ATP9B: variants seen among roughly 807,000 people sequenced by gnomAD.
ATP9B encodes the protein probable phospholipid-transporting ATPase IIB.
In ATP9B, 110 loss-of-function variants were observed where a neutral mutation model predicts 146.1. That is an observed-to-expected ratio of 0.75 (90% confidence interval 0.65 to 0.88). The LOEUF is 0.88. Among genes scored for constraint, ATP9B ranks in the 40% least tolerant of loss-of-function variants. The pLI is 0.00. For synonymous variants in ATP9B, 604 were observed against 569.7 expected (o/e 1.06, Z -0.86); for missense variants, 1,499 against 1,496.4 (o/e 1.00, Z -0.03).
intron 12 of ATP9B, among the ~76,000 whole-genome samples, chr18:79,263,712 A>C (rs2096169800): frequency 6.6e-6 from 1 of 152,164 alleles, no homozygotes; most frequent in Non-Finnish European, 1.5e-5. Context: ...GGTTGCTTCC[A>C]GTTTTTTTAC....
At chr18:79,105,474 C>T (rs957263054) in intron 2 of ATP9B, among the ~76,000 whole-genome samples, 5 of 152,092 alleles carry the variant, frequency 3.3e-5, no homozygotes, top group African/African-American at 4.8e-5. Context: ...AAAGACTGAG[C>T]GAGTAGGCTT....
intron 6 of ATP9B, among the ~76,000 whole-genome samples, chr18:79,149,848 C>T (rs952228798): frequency 2.6e-5 from 4 of 151,934 alleles, no homozygotes; most frequent in South Asian, 2.1e-4. Context: ...TTTGGGAGGT[C>T]GAAGGGGACG....
At chr18:79,172,613 G>A (rs2095094858) in intron 7 of ATP9B, among the ~76,000 whole-genome samples, 1 of 151,916 alleles carries the variant, frequency 6.6e-6, no homozygotes, top group South Asian at 2.1e-4. Context: ...CTCCCAAGGT[G>A]CTGTGATTAC....
chr18:79,176,850 AACTG>A lies in ATP9B; in HGVS notation c.821_824del (p.Asp274GlyfsTer3), dbSNP rs751663978. On this transcript the variant is annotated frameshift_variant, in exon 8 of 30. Transcript: ENST00000426216. LOFTEE classifies it high-confidence loss of function. ...TTCGAACTGATCAACTAGATGGTGA[AACTG>A]ACTGGAAGCTGAAGGTGGCAGTGAG... 1 of 1,614,202 alleles carries A rather than the reference AACTG, an allele frequency of 6.2e-7. No homozygotes were observed. Among genetic ancestry groups the A allele is most frequent in the Admixed American group, 1.7e-5 (1 of 60,024 alleles).
At chr18:79,257,709 C>G (rs1220681026) in intron 12 of ATP9B, among the ~76,000 whole-genome samples, 1 of 152,254 alleles carries the variant, frequency 6.6e-6, no homozygotes, top group Non-Finnish European at 1.5e-5. Context: ...TCCCCAGCCT[C>G]CAGCACAGGG....
chr18:79,288,264 A>G (rs991704307), intron 13 of ATP9B, among the ~76,000 whole-genome samples: 1 of 150,208 alleles, frequency 6.7e-6, no homozygotes, highest in African/African-American at 2.4e-5. Context: ...GTCTCTTTGT[A>G]GGTCACTCAG....
rs200023532 is a variant in ATP9B, at chr18:79,306,976, T to C, written c.1525-10T>C. 6.3e-5 allele frequency: 102 copies of C among 1,613,380 alleles called. No individual in the cohort carries two copies. The highest frequency in any genetic ancestry group is 7.9e-5 in the Non-Finnish European group (93 of 1,179,464). On this transcript the variant is annotated splice_polypyrimidine_tract_variant and intron_variant, in intron 14 of 29. Coordinates refer to ENST00000426216, the MANE Select transcript of ATP9B (RefSeq NM_198531.5). ...CTATCTTTAATTATGTGACGTTTCATATTCTAAAGATGCAGTCTCAAGCTG... is the reference window on the plus strand; with the variant it reads ...CTATCTTTAATTATGTGACGTTTCACATTCTAAAGATGCAGTCTCAAGCTG...
At chr18:79,132,893 G>A (rs1284081834) in intron 5 of ATP9B, among the ~76,000 whole-genome samples, 1 of 152,170 alleles carries the variant, frequency 6.6e-6, no homozygotes, top group Non-Finnish European at 1.5e-5. Flanking sequence ...AATACGCTTT[G>A]TTTGGAAGCA....
chr18:79,356,889 G>A (rs2147780882), intron 25 of ATP9B, among the ~76,000 whole-genome samples: 1 of 44,548 alleles, frequency 2.2e-5, no homozygotes, highest in Non-Finnish European at 5.1e-5. Context: ...GATGCTCTGG[G>A]TCTGGAGGTG....
intron 1 of ATP9B, among the ~76,000 whole-genome samples, chr18:79,071,168 T>C (rs978199598): frequency 2.0e-5 from 3 of 150,502 alleles, no homozygotes; most frequent in African/African-American, 7.3e-5. Flanking sequence ...GGTATTACAA[T>C]ATACAAATGT....
intron 26 of ATP9B, chr18:79,361,694 T>C: frequency 1.2e-6 from 1 of 813,994 alleles, no homozygotes; most frequent in Non-Finnish European, 1.5e-6. Flanking sequence ...TTTTTCTTAT[T>C]GAAGCTAAAG....
chr18:79,347,940 G>A lies in ATP9B; in HGVS notation c.2838+15G>A, dbSNP rs150796179. ...CCACCATGCAGGTACTAAGCCTTCTGTGCTGGCACCCATGGAGGGCAGGGT... is the reference window on the plus strand; with the variant it reads ...CCACCATGCAGGTACTAAGCCTTCTATGCTGGCACCCATGGAGGGCAGGGT... On this transcript the variant is annotated intron_variant, in intron 24 of 29. Coordinates refer to ENST00000426216, the MANE Select transcript of ATP9B (RefSeq NM_198531.5). The A allele has an allele frequency of 5.0e-6, 8 of 1,608,886 alleles. No homozygotes were observed. In the African/African-American group the frequency reaches 9.6e-5, roughly 19 times the overall value.
intron 13 of ATP9B, among the ~76,000 whole-genome samples, chr18:79,289,206 A>G (rs1292115401): frequency 6.6e-6 from 1 of 152,190 alleles, no homozygotes; most frequent in South Asian, 2.1e-4. Flanking sequence ...ATCCTGCAGA[A>G]TGTTTTCCAA....
At chr18:79,339,104 G>A (rs553469486) in intron 19 of ATP9B, among the ~76,000 whole-genome samples, 27 of 151,580 alleles carry the variant, frequency 1.8e-4, no homozygotes, top group Non-Finnish European at 2.5e-4. Context: ...TGTCATGATC[G>A]CAGTAGGAAG....
At chr18:79,141,575 C>T (rs2094514881) in intron 5 of ATP9B, among the ~76,000 whole-genome samples, 1 of 152,170 alleles carries the variant, frequency 6.6e-6, no homozygotes. Context: ...TTAGAGCTTC[C>T]TTCTCTATCA....
At chr18:79,293,944 G>A (rs1437018834) in intron 13 of ATP9B, among the ~76,000 whole-genome samples, 1 of 152,084 alleles carries the variant, frequency 6.6e-6, no homozygotes, top group Non-Finnish European at 1.5e-5. Context: ...TATTTTCAAG[G>A]GGTCTTTGTG....
intron 23 of ATP9B, among the ~76,000 whole-genome samples, chr18:79,346,219 C>T (rs1161967274): frequency 3.3e-5 from 5 of 150,444 alleles, no homozygotes; most frequent in South Asian, 2.1e-4. Flanking sequence ...ACTCGGTCAG[C>T]GCACGTCAGC....
intron 8 of ATP9B, among the ~76,000 whole-genome samples, chr18:79,190,875 A>T (rs991303598): frequency 5.3e-5 from 8 of 152,118 alleles, no homozygotes; most frequent in Non-Finnish European, 8.8e-5. Flanking sequence ...AGGAATTAAG[A>T]TTAAAAACAG....
intron 11 of ATP9B, among the ~76,000 whole-genome samples, chr18:79,230,896 C>A (rs1352941832): frequency 6.6e-6 from 1 of 152,086 alleles, no homozygotes. Context: ...ACAACGCAAA[C>A]AAAAACATAA....
Sources: allele counts gnomAD v4.1 joint callset (sites outside exome capture counted in the v4.1 genomes callset), GRCh38; gene constraint gnomAD v4.1.1; transcripts MANE v1.5; gene names NCBI Gene and HGNC (gene_info 2026-07-23, HGNC 2026-07-21).